Variants in ZFAT observed in about 807,000 individuals in gnomAD.
ZFAT encodes the protein zinc finger and AT-hook domain containing, also known as zinc finger protein ZFAT.
Under a neutral mutation model 117.7 loss-of-function variants are expected in ZFAT, and 64 were observed. That is an observed-to-expected ratio of 0.54 (90% CI 0.44 to 0.67). ZFAT has a LOEUF of 0.67. Among genes scored for constraint, ZFAT ranks in the 30% least tolerant of loss-of-function variants. The probability of loss-of-function intolerance (pLI) is 0.00; values close to 1 mark genes in which losing one functional copy is unlikely to be tolerated. For missense variants in ZFAT, 1,433 were observed against 1,584.5 expected (o/e 0.90, Z 1.62); for synonymous variants, 679 against 615.0 (o/e 1.10, Z -1.54).
the ZFAT span, among the ~76,000 whole-genome samples, chr8:134,720,519 G>C: frequency 1.8e-4 from 27 of 152,316 alleles, no homozygotes; most frequent in African/African-American, 5.8e-4. Context: ...GAAAAAAAGA[G>C]AAACTTGGCC....
intron 3 of ZFAT, among the ~76,000 whole-genome samples, chr8:134,616,734 C>A (rs969873860): frequency 3.9e-5 from 6 of 152,154 alleles, no homozygotes; most frequent in Non-Finnish European, 7.3e-5. Context: ...TTGCTACAAA[C>A]CAGCTGGCCT....
At chr8:134,674,010 A>T (rs1832677006) in intron 1 of ZFAT, among the ~76,000 whole-genome samples, 1 of 152,224 alleles carries the variant, frequency 6.6e-6, no homozygotes, top group South Asian at 2.1e-4. Flanking sequence ...TTTGGTCTGC[A>T]GCTCCCAGTG....
chr8:134,681,321 G>A (rs1833060628), intron 1 of ZFAT, among the ~76,000 whole-genome samples: 1 of 152,134 alleles, frequency 6.6e-6, no homozygotes. Context: ...CAGCTGGTGG[G>A]GAGAGGCAGG....
intron 9 of ZFAT, 110 bp downstream of exon 9, chr8:134,588,136 A>C: frequency 7.7e-7 from 1 of 1,302,614 alleles, no homozygotes; most frequent in Non-Finnish European, 1.0e-6. Context: ...TGCTAAGGAA[A>C]TTCTAACAGC....
rs779389389 is a variant in ZFAT at position 134,509,614 on chromosome 8, C to G, written c.3492+5G>C. On this transcript the variant is annotated splice_donor_5th_base_variant and intron_variant, in intron 15 of 15. Transcript: ENST00000377838. Reference sequence around the variant, plus strand: ...GATGAATAGTTACAGAAGGAGGGTCCCTACCTGCTTAACCACAGTCACCGT... The same window carrying G: ...GATGAATAGTTACAGAAGGAGGGTCGCTACCTGCTTAACCACAGTCACCGT... 1.9e-6 allele frequency: 3 copies of G among 1,612,958 alleles called. No individual in the cohort carries two copies. Among genetic ancestry groups the G allele is most frequent in the South Asian group, 2.2e-5 (2 of 91,036 alleles).
chr8:134,543,277 G>A (rs1023246968), intron 11 of ZFAT, among the ~76,000 whole-genome samples: 18 of 132,574 alleles, frequency 1.4e-4, no homozygotes, highest in East Asian at 7.2e-4. Flanking sequence ...ATAGTCAGCC[G>A]GGCACATGCA....
Position 134,536,014 on chromosome 8 carries a change from G to C in ZFAT, c.2977-3042C>G, listed in dbSNP as rs75237924. On this transcript the variant is annotated intron_variant, in intron 11 of 15. Transcript: ENST00000377838. ...CCTGCAAACCCAGCTTCAGACTTGA[G>C]AGCCAATTTCACCCTTCTTGCAGCA... Among the ~76,000 whole-genome samples the C allele has an allele frequency of 7.2e-5, 11 of 152,298 alleles. No homozygotes were observed. The East Asian group carries it at 2.1e-3, about 29-fold the overall frequency.
chr8:134,534,771 G>GA (rs2130581862), intron 11 of ZFAT, among the ~76,000 whole-genome samples: 1 of 73,880 alleles, frequency 1.4e-5, no homozygotes, highest in African/African-American at 5.6e-5. Flanking sequence ...GGGAGAGAGG[G>GA]AGAAAGAGAG....
the ZFAT span, among the ~76,000 whole-genome samples, chr8:134,755,998 TCTC>T: frequency 6.6e-6 from 1 of 152,182 alleles, no homozygotes; most frequent in Non-Finnish European, 1.5e-5. Flanking sequence ...TTCACTTTCT[TCTC>T]TGTCTTCCTT....
chr8:134,664,021 G>A lies in ZFAT; in HGVS notation c.20-6284C>T, dbSNP rs550409447. 2.0e-3 allele frequency among the ~76,000 whole-genome samples: 300 copies of A among 152,268 alleles called. 1 individual carries two copies. Among genetic ancestry groups the A allele is most frequent in the African/African-American group, 7.0e-3 (289 of 41,548 alleles). On this transcript the variant is annotated intron_variant, in intron 1 of 15. Transcript: ENST00000377838. ...GGGGAAAGCCTTGGCTGAAGTGCCT[G>A]GGAAGTTACGGGAGGAGGCACTTGA...
chr8:134,744,771 C>T, the ZFAT span, among the ~76,000 whole-genome samples: 2 of 127,164 alleles, frequency 1.6e-5, no homozygotes, highest in African/African-American at 6.1e-5. Flanking sequence ...GCTCTGTCAC[C>T]TAGGCTGGAG....
intron 1 of ZFAT, among the ~76,000 whole-genome samples, chr8:134,686,087 C>T (rs1394039091): frequency 6.6e-6 from 1 of 152,172 alleles, no homozygotes; most frequent in Non-Finnish European, 1.5e-5. Flanking sequence ...GTGCAGCTGC[C>T]CTGACAGCTC....
At chr8:134,683,696 C>T (rs1004992959) in intron 1 of ZFAT, among the ~76,000 whole-genome samples, 2 of 152,138 alleles carry the variant, frequency 1.3e-5, no homozygotes, top group East Asian at 1.9e-4. Flanking sequence ...AAGAGCCCCC[C>T]GCCACAGACC....
At chr8:134,681,138 A>T (rs913096194) in intron 1 of ZFAT, among the ~76,000 whole-genome samples, 15 of 152,198 alleles carry the variant, frequency 9.9e-5, no homozygotes, top group Non-Finnish European at 5.9e-5. Flanking sequence ...AGGCACACAC[A>T]GAATGCAGCC....
intron 13 of ZFAT, among the ~76,000 whole-genome samples, chr8:134,516,856 CA>C (rs1047685961): frequency 6.6e-6 from 1 of 151,090 alleles, no homozygotes; most frequent in Non-Finnish European, 1.5e-5. Flanking sequence ...CCCTATCTCT[CA>C]AAAAAAACTA....
Position 134,698,262 on chromosome 8 carries a change from C to T in ZFAT, c.19+14583G>A, listed in dbSNP as rs528810462. On this transcript the variant is annotated intron_variant, in intron 1 of 15. Transcript: ENST00000377838. Reference sequence around the variant, plus strand: ...AATTGCTTGAACCCAGGAGGTGGAGCTGAGTGAGCTGAGATCACGCCACTT... The same window carrying T: ...AATTGCTTGAACCCAGGAGGTGGAGTTGAGTGAGCTGAGATCACGCCACTT... 4.7e-5 allele frequency among the ~76,000 whole-genome samples: 7 copies of T among 149,064 alleles called. No homozygotes were observed. The South Asian group carries it at 1.5e-3, about 32-fold the overall frequency.
chr8:134,787,051 G>A, the ZFAT span, among the ~76,000 whole-genome samples: 31,157 of 151,912 alleles, frequency 0.21, 3,435 homozygotes, highest in African/African-American at 0.25. Flanking sequence ...GTCTCACTAT[G>A]TTGCCCAGGC....
chr8:134,565,121 T>C lies in ZFAT; in HGVS notation c.2976+212A>G, dbSNP rs1036088832. Reference sequence around the variant, plus strand: ...TGCATCCTCTTACACATCTTTGACTTGGTTTCCAAATTACAGAGCAATGCT... The same window carrying C: ...TGCATCCTCTTACACATCTTTGACTCGGTTTCCAAATTACAGAGCAATGCT... On this transcript the variant is annotated intron_variant, in intron 11 of 15. Transcript: ENST00000377838. 9 of 1,515,846 alleles carry C rather than the reference T, an allele frequency of 5.9e-6. No individual in the cohort carries two copies. In the Admixed American group the frequency reaches 1.2e-4, roughly 20 times the overall value. 93.9% of individuals were successfully genotyped at this position (1,515,846 alleles called of 1,614,324 possible). A position where few individuals can be genotyped will look rare whatever the true frequency, so the allele number is the denominator to read the frequency against.
chr8:134,633,062 C>T (rs1193510312), intron 3 of ZFAT, among the ~76,000 whole-genome samples: 2 of 151,840 alleles, frequency 1.3e-5, no homozygotes, highest in Non-Finnish European at 2.9e-5. Context: ...TTTGACAATA[C>T]GTATGCGCGT....
Sources: allele counts gnomAD v4.1 joint callset (sites outside exome capture counted in the v4.1 genomes callset), GRCh38; gene constraint gnomAD v4.1.1; transcripts MANE v1.5; gene names NCBI Gene and HGNC (gene_info 2026-07-23, HGNC 2026-07-21).